The following STARD9 variants were observed in gnomAD, a reference collection of about 807,000 sequenced individuals.
The protein encoded by STARD9 is StAR related lipid transfer domain containing 9, also known as stAR-related lipid transfer protein 9.
STARD9 carries 346 observed loss-of-function variants against 399.8 expected under a neutral mutation model. That is an observed-to-expected ratio of 0.87 (90% CI 0.79 to 0.95). The LOEUF (loss-of-function observed/expected upper bound fraction) is 0.95. Among genes scored for constraint, STARD9 ranks in the 40% least tolerant of loss-of-function variants. STARD9 has a pLI of 0.00. For missense variants in STARD9, 5,832 were observed against 5,667.5 expected (o/e 1.03, Z -0.93); for synonymous variants, 2,203 against 2,143.5 (o/e 1.03, Z -0.77).
rs988072528 is a variant in STARD9 at position 42,689,943 on chromosome 15, C to T, written c.8365C>T (p.Leu2789=). Residue 2789 remains leucine (L), a synonymous_variant, in exon 23 of 33, where the codon CTA becomes TTA. Transcript: ENST00000290607. The stretch of plus-strand genomic sequence containing the variant: ...CCCAGAGCATCAGGAACCCAGAACT[C>T]TAGACACCACATATGGAGAAGTTTC... The part of the protein sequence containing the change: ...SSPEHQEPRT[L]DTTYGEVSDN... 13 of 1,537,704 alleles carry T rather than the reference C, an allele frequency of 8.5e-6. No homozygotes were observed. Among genetic ancestry groups the T allele is most frequent in the Non-Finnish European group, 1.0e-5 (12 of 1,147,046 alleles).
At chr15:42,644,232 G>A (rs532844304) in intron 7 of STARD9, among the ~76,000 whole-genome samples, 10 of 152,190 alleles carry the variant, frequency 6.6e-5, no homozygotes, top group Non-Finnish European at 1.3e-4. Context: ...GGCGGCTCAC[G>A]CCTGTAATCC....
chr15:42,712,254 T>G (rs1380867396), intron 26 of STARD9, among the ~76,000 whole-genome samples: 1 of 147,104 alleles, frequency 6.8e-6, no homozygotes, highest in Non-Finnish European at 1.5e-5. Flanking sequence ...TCACAGAAAA[T>G]GTCCTCCCAT....
At chr15:42,681,378 G>T (rs2060423972) in intron 20 of STARD9, 44 bp from the exon 21 acceptor site, 1 of 1,514,426 alleles carries the variant, frequency 6.6e-7, no homozygotes, top group Admixed American at 2.1e-5. Flanking sequence ...TCCTGAGCTT[G>T]GTTTGCATTT....
Position 42,669,322 on chromosome 15 carries a change from G to T in STARD9, c.1482G>T (p.Val494=). 1.3e-6 allele frequency: 2 copies of T among 1,519,882 alleles called. No individual in the cohort carries two copies. The highest frequency in any genetic ancestry group is 1.8e-6 in the Non-Finnish European group (2 of 1,132,800). 94.1% of individuals were successfully genotyped at this position (1,519,882 alleles called of 1,614,324 possible). The part of the protein sequence containing the change: ...LEDDVLSTGV[V]LYHLKEGTTK... The stretch of plus-strand genomic sequence containing the variant: ...ATGATGTGCTCAGCACAGGTGTTGT[G>T]CTCTATCATCTCAAGGTGAGGAGGC... Residue 494 remains valine, a synonymous_variant, in exon 16 of 33, where the codon GTG becomes GTT. Coordinates refer to ENST00000290607, the MANE Select transcript of STARD9 (RefSeq NM_020759.3).
intron 1 of STARD9, among the ~76,000 whole-genome samples, chr15:42,578,054 G>C (rs2058092137): frequency 6.6e-6 from 1 of 151,900 alleles, no homozygotes; most frequent in South Asian, 2.1e-4. Context: ...CAGAAAAGTT[G>C]CATTTGTGTC....
chr15:42,605,853 C>A (rs2058713347), intron 3 of STARD9, among the ~76,000 whole-genome samples: 2 of 152,186 alleles, frequency 1.3e-5, no homozygotes, highest in African/African-American at 2.4e-5. Context: ...AAACTAATTT[C>A]ATCTTGTTTG....
intron 2 of STARD9, among the ~76,000 whole-genome samples, chr15:42,584,526 T>C (rs1477447555): frequency 1.3e-5 from 2 of 152,210 alleles, no homozygotes; most frequent in East Asian, 1.9e-4. Context: ...AGGAAGAATC[T>C]CTTAATCATT....
At chr15:42,601,687 C>T (rs770413023) in intron 3 of STARD9, among the ~76,000 whole-genome samples, 40 of 152,236 alleles carry the variant, frequency 2.6e-4, no homozygotes, top group South Asian at 8.3e-4. Context: ...TCTCCATTGT[C>T]GGTCTGTTAA....
At chr15:42,618,101 C>T (rs1162166324) in intron 3 of STARD9, among the ~76,000 whole-genome samples, 1 of 151,624 alleles carries the variant, frequency 6.6e-6, no homozygotes. Context: ...TAGTAGTATA[C>T]TTTTATTATG....
intron 26 of STARD9, among the ~76,000 whole-genome samples, chr15:42,697,078 C>T (rs961429193): frequency 6.6e-6 from 1 of 152,174 alleles, no homozygotes; most frequent in Admixed American, 6.5e-5. Context: ...ATGTTTGAGT[C>T]TCCTATTTGC....
intron 3 of STARD9, among the ~76,000 whole-genome samples, chr15:42,634,000 CT>C (rs1566890668): frequency 6.6e-6 from 1 of 151,994 alleles, no homozygotes; most frequent in Non-Finnish European, 1.5e-5. Context: ...AATATCTGGC[CT>C]GTTTGGCTTC....
chr15:42,642,990 G>A (rs965015577), intron 7 of STARD9, among the ~76,000 whole-genome samples: 3 of 151,288 alleles, frequency 2.0e-5, no homozygotes, highest in Non-Finnish European at 4.4e-5. Context: ...TTCTTTTAGA[G>A]ATGGAGTCTA....
At chr15:42,619,819 A>G (rs550392894) in intron 3 of STARD9, among the ~76,000 whole-genome samples, 3 of 152,106 alleles carry the variant, frequency 2.0e-5, no homozygotes, top group East Asian at 3.9e-4. Context: ...GCTTTACCCA[A>G]TTTCTTTTGG....
chr15:42,682,447 G>A lies in STARD9; in HGVS notation c.2409G>A (p.Gln803=). ...GCTGGCTCCAGGATGACAGCACCCAGGAGCCCCCATACCAGGTCCTCAGCC... is the reference window on the plus strand; with the variant it reads ...GCTGGCTCCAGGATGACAGCACCCAAGAGCCCCCATACCAGGTCCTCAGCC... ...TLCWLQDDST[Q]EPPYQVLSPD... Residue 803 remains glutamine, a synonymous_variant, in exon 22 of 33, where the codon CAG becomes CAA. Transcript: ENST00000290607. 6.5e-7 allele frequency: 1 copy of A among 1,537,208 alleles called. No individual in the cohort carries two copies. The highest frequency in any genetic ancestry group is 8.7e-7 in the Non-Finnish European group (1 of 1,146,898).
At chr15:42,718,261 G>T in intron 30 of STARD9, 82 bp downstream of exon 30, 1 of 1,387,656 alleles carries the variant, frequency 7.2e-7, no homozygotes, top group South Asian at 1.2e-5. Context: ...AGAGGTGGAG[G>T]GTTGGAGGCA....
rs1381517313 is a variant in STARD9 at position 42,692,858 on chromosome 15, C to A, written c.11280C>A (p.Ile3760=). Residue 3760 remains isoleucine (I), a synonymous_variant, in exon 23 of 33, where the codon ATC becomes ATA. Coordinates refer to ENST00000290607, the MANE Select transcript of STARD9 (RefSeq NM_020759.3). The part of the protein sequence containing the change: ...SEAEPQGANV[I]LEGLGSDTST... Reference sequence around the variant, plus strand: ...CTGAACCTCAGGGAGCCAATGTGATCCTTGAAGGGCTAGGCTCAGATACCT... The same window carrying A: ...CTGAACCTCAGGGAGCCAATGTGATACTTGAAGGGCTAGGCTCAGATACCT... 10 of 1,537,120 alleles carry A rather than the reference C, an allele frequency of 6.5e-6. No individual in the cohort carries two copies. The highest frequency in any genetic ancestry group is 8.7e-6 in the Non-Finnish European group (10 of 1,146,916).
intron 7 of STARD9, among the ~76,000 whole-genome samples, chr15:42,645,911 G>T (rs997391257): frequency 2.0e-5 from 3 of 151,986 alleles, no homozygotes; most frequent in Non-Finnish European, 4.4e-5. Flanking sequence ...TGTAATCCCA[G>T]CACTTTGGGA....
chr15:42,704,573 C>T (rs1416883962), intron 26 of STARD9, among the ~76,000 whole-genome samples: 1 of 152,174 alleles, frequency 6.6e-6, no homozygotes, highest in Non-Finnish European at 1.5e-5. Context: ...CTGTAGCCAT[C>T]TTAGCGCTAG....
intron 16 of STARD9, chr15:42,672,028 A>AT (rs1319597692): frequency 6.6e-6 from 1 of 152,182 alleles, no homozygotes; most frequent in African/African-American, 2.4e-5. Flanking sequence ...GGGTGATGAG[A>AT]TTTTAATCTA....
Sources: gnomAD v4.1 joint callset for allele counts (sites outside exome capture counted in the v4.1 genomes callset) on GRCh38, gnomAD v4.1.1 for gene constraint, MANE v1.5 for transcripts, NCBI Gene and HGNC (gene_info 2026-07-23, HGNC 2026-07-21) for gene names.